GLIS3: variants seen among roughly 807,000 people sequenced by gnomAD.
GLIS3 encodes the protein zinc finger protein GLIS3.
Under a neutral mutation model 78.6 loss-of-function variants are expected in GLIS3, and 53 were observed. The observed-to-expected ratio is 0.67, with a 90% CI of 0.54 to 0.85. The LOEUF (loss-of-function observed/expected upper bound fraction) is 0.85, where lower values mean the gene tolerates loss of function less well. GLIS3 is among the 40% of genes least tolerant of loss of function. GLIS3 has a pLI of 0.00. For missense variants in GLIS3, 1,703 were observed against 1,231.1 expected, an observed-to-expected ratio of 1.38 and a Z score of -5.74; for synonymous variants, 684 against 509.9, an observed-to-expected ratio of 1.34 and a Z score of -4.60.
chr9:4,034,119 T>C (rs1210392948), intron 4 of GLIS3, among the ~76,000 whole-genome samples: 2 of 151,960 alleles, frequency 1.3e-5, no homozygotes, highest in African/African-American at 2.4e-5. Context: ...GTCCCAGTTA[T>C]TCAGGAGTCT....
chr9:3,928,348 T>C (rs1467528176), intron 6 of GLIS3, among the ~76,000 whole-genome samples: 2 of 152,234 alleles, frequency 1.3e-5, no homozygotes, highest in Non-Finnish European at 2.9e-5. Flanking sequence ...GCCCTGATCA[T>C]GCACCCCACT....
At position 4,118,183 on chromosome 9, in the gene GLIS3, C is replaced by T. The variant is rs989349874; in HGVS notation, c.1295G>A (p.Arg432His). The T allele has an allele frequency of 2.5e-6, 4 of 1,573,708 alleles. No individual in the cohort carries two copies. The African/African-American group carries it at 5.4e-5, about 21-fold the overall frequency. Reference sequence around the variant, plus strand: ...GGTGCTGCCCGGGAACTCCTCCAGGCGTTCGGTCTTGAACAGGCCGGCCGA... The same window carrying T: ...GGTGCTGCCCGGGAACTCCTCCAGGTGTTCGGTCTTGAACAGGCCGGCCGA... ...SQSAGLFKTE[R>H]LEEFPGSTVD... is the part of the protein sequence containing the mutation. The change falls in exon 4 of 11, where the codon CGC becomes CAC. Residue 432 changes from arginine to histidine, a missense_variant. Physicochemically the swap from Arg to His is conservative, Grantham distance 29. Coordinates refer to ENST00000381971, the MANE Select transcript of GLIS3 (RefSeq NM_001042413.2). The surrounding 1 kb of genome is among the most constrained non-coding windows in gnomAD (Gnocchi z 4.7).
At chr9:4,174,940 C>T (rs1472479272) in intron 2 of GLIS3, among the ~76,000 whole-genome samples, 1 of 152,188 alleles carries the variant, frequency 6.6e-6, no homozygotes, top group Non-Finnish European at 1.5e-5. Context: ...ACTGACGACG[C>T]TGGAAGTAGT....
chr9:3,987,147 G>A lies in GLIS3; in HGVS notation c.1711-49958C>T, dbSNP rs1043867093. 1.5e-4 allele frequency among the ~76,000 whole-genome samples: 23 copies of A among 152,160 alleles called. No individual in the cohort carries two copies. The South Asian group carries it at 2.3e-3, about 15-fold the overall frequency. On this transcript the variant is annotated intron_variant, in intron 4 of 10. Transcript: ENST00000381971. Reference sequence around the variant, plus strand: ...ATGGAAGCTACAAAAAATGAAAAGCGTAAATTATAATAATAAAATAATAGT... The same window carrying A: ...ATGGAAGCTACAAAAAATGAAAAGCATAAATTATAATAATAAAATAATAGT...
chr9:4,234,587 G>A (rs946114148), intron 2 of GLIS3, among the ~76,000 whole-genome samples: 2 of 152,058 alleles, frequency 1.3e-5, no homozygotes, highest in East Asian at 1.9e-4. Flanking sequence ...TAATAACAAC[G>A]GAAAAGTTTG....
chr9:4,276,568 G>A (rs1033892331), intron 2 of GLIS3, among the ~76,000 whole-genome samples: 7 of 144,784 alleles, frequency 4.8e-5, no homozygotes, highest in African/African-American at 1.3e-4. Flanking sequence ...GGAGGGGAGG[G>A]AAGAGAAGAA....
chr9:4,090,735 G>T (rs1297617370), intron 4 of GLIS3, among the ~76,000 whole-genome samples: 1 of 152,156 alleles, frequency 6.6e-6, no homozygotes, highest in African/African-American at 2.4e-5. Flanking sequence ...TAAGGCCCAG[G>T]GAAGAAGAGA....
the GLIS3 span, among the ~76,000 whole-genome samples, chr9:4,411,063 A>G: frequency 6.6e-6 from 1 of 152,228 alleles, no homozygotes; most frequent in Non-Finnish European, 1.5e-5. Context: ...ACAAAATGAT[A>G]AAACTATTAC....
At chr9:4,460,470 A>G in the GLIS3 span, among the ~76,000 whole-genome samples, 1 of 152,218 alleles carries the variant, frequency 6.6e-6, no homozygotes, top group Admixed American at 6.5e-5. Flanking sequence ...TTCTCCAGCC[A>G]CATTCCTGTG....
In GLIS3 at chr9:4,253,544, TCTGTG is replaced by T. The variant is rs1824604629; in HGVS notation, c.388+32489_388+32493del. Among the ~76,000 whole-genome samples, 4 of 152,222 alleles carry T rather than the reference TCTGTG, an allele frequency of 2.6e-5. 1 individual carries two copies. The highest frequency in any genetic ancestry group is 2.6e-4 in the Admixed American group (4 of 15,284). On this transcript the variant is annotated intron_variant, in intron 2 of 10. Transcript: ENST00000381971. ...GCCAGTGGATCTTGGCTTGCTGGGC[TCTGTG>T]CGGGTGGGATCCGCTGAGCTAGACC...
At chr9:3,843,901 A>T (rs6476688) in intron 9 of GLIS3, among the ~76,000 whole-genome samples, 151,587 of 152,318 alleles carry the variant, frequency 1, 75,439 homozygotes, top group Non-Finnish European at 1. Flanking sequence ...ACTTAAGTGA[A>T]CTAGAAAAAA....
chr9:4,314,643 T>G (rs559360391), intron 2 of GLIS3, among the ~76,000 whole-genome samples: 75 of 152,310 alleles, frequency 4.9e-4, no homozygotes, highest in African/African-American at 1.8e-3. Flanking sequence ...CCAAGATGCT[T>G]CCACTAGCAG....
chr9:4,283,801 T>C (rs1022928247), intron 2 of GLIS3, among the ~76,000 whole-genome samples: 4 of 152,224 alleles, frequency 2.6e-5, no homozygotes, highest in African/African-American at 9.6e-5. Context: ...AAACGATACA[T>C]TCAGCCACTT....
chr9:4,361,140 G>A, the GLIS3 span, among the ~76,000 whole-genome samples: 1 of 152,184 alleles, frequency 6.6e-6, no homozygotes, highest in South Asian at 2.1e-4. Flanking sequence ...TCCTGGGAGT[G>A]TTATTGCTGC....
chr9:4,047,074 C>G (rs1296658070), intron 4 of GLIS3, among the ~76,000 whole-genome samples: 1 of 152,114 alleles, frequency 6.6e-6, no homozygotes, highest in Non-Finnish European at 1.5e-5. Context: ...ACTGTAATCC[C>G]CATGAGTTGA....
chr9:3,925,696 CTTGAACTTAAACAA>C (rs929678529), intron 6 of GLIS3, among the ~76,000 whole-genome samples: 18 of 152,104 alleles, frequency 1.2e-4, no homozygotes, highest in African/African-American at 4.1e-4. Flanking sequence ...CACCCTCAAC[CTTGAACTTAAACAA>C]TTGGGAAAAT....
chr9:4,278,460 G>C lies in GLIS3; in HGVS notation c.388+7578C>G, dbSNP rs371277074. ...ATAAAGACACAAGAATTGACTTCAA[G>C]GGGCTCCCACTGGTCAAATTTGGGA... On this transcript the variant is annotated intron_variant, in intron 2 of 10. Transcript: ENST00000381971. 3.3e-5 allele frequency among the ~76,000 whole-genome samples: 5 copies of C among 152,270 alleles called. No individual in the cohort carries two copies. The East Asian group carries it at 5.8e-4, about 18-fold the overall frequency.
chr9:4,234,822 A>G (rs75205480), intron 2 of GLIS3, among the ~76,000 whole-genome samples: 6,530 of 152,272 alleles, frequency 0.043, 181 homozygotes, highest in Non-Finnish European at 0.046. Flanking sequence ...TGACCTGCTC[A>G]AGGTCATGCA....
chr9:3,916,962 A>G (rs1824552921), intron 6 of GLIS3, among the ~76,000 whole-genome samples: 2 of 152,244 alleles, frequency 1.3e-5, no homozygotes, highest in African/African-American at 4.8e-5. Context: ...ATGCAAAATC[A>G]GAATTATTCA....
Sources: gnomAD v4.1 joint callset for allele counts (sites outside exome capture counted in the v4.1 genomes callset) on GRCh38, gnomAD v4.1.1 for gene constraint, Gnocchi (gnomAD v3.1) non-coding constraint, MANE v1.5 for transcripts, NCBI Gene and HGNC (gene_info 2026-07-23, HGNC 2026-07-21) for gene names.